Variants in AGBL4 observed in about 807,000 individuals in gnomAD.
The protein encoded by AGBL4 is AGBL carboxypeptidase 4, also known as cytosolic carboxypeptidase 6.
Under a neutral mutation model 66.4 loss-of-function variants are expected in AGBL4, and 58 were observed. That is an observed-to-expected ratio of 0.87 (90% CI 0.71 to 1.09). AGBL4 has a LOEUF of 1.09. AGBL4 is among the 50% of genes least tolerant of loss of function. AGBL4 has a pLI of 0.00. For synonymous variants in AGBL4, 234 were observed against 222.9 expected (o/e 1.05, Z -0.44); for missense variants, 579 against 631.0 (o/e 0.92, Z 0.88).
chr1:49,667,888 C>T (rs367815977), intron 3 of AGBL4, among the ~76,000 whole-genome samples: 1 of 152,148 alleles, frequency 6.6e-6, no homozygotes, highest in Non-Finnish European at 1.5e-5. Flanking sequence ...TCCTGCTCTT[C>T]CTTTTACTCT....
intron 1 of AGBL4, among the ~76,000 whole-genome samples, chr1:49,934,790 A>C (rs1359690215): frequency 1.3e-5 from 2 of 151,940 alleles, no homozygotes; most frequent in African/African-American, 4.8e-5. Context: ...AGAAGAAAGT[A>C]AATAATAAAA....
chr1:48,887,246 G>A lies in AGBL4; in HGVS notation c.595-20016C>T, dbSNP rs371911855. 7.9e-5 allele frequency among the ~76,000 whole-genome samples: 12 copies of A among 152,220 alleles called. No homozygotes were observed. The East Asian group carries it at 1.4e-3, about 17-fold the overall frequency. On this transcript the variant is annotated intron_variant, in intron 5 of 13. Transcript: ENST00000371839. ...AAGATGACGTCTAGGAGGTGGTCTT[G>A]CTAAGGGCATACTCTAGAGTTTTCT...
At chr1:48,728,026 T>C in intron 6 of AGBL4, 2 of 1,610,488 alleles carry the variant, frequency 1.2e-6, no homozygotes, top group African/African-American at 2.7e-5. Flanking sequence ...TCTTGTGCTA[T>C]TCTGTCATAC....
chr1:49,030,117 T>G (rs1028450185), intron 5 of AGBL4, among the ~76,000 whole-genome samples: 3 of 152,156 alleles, frequency 2.0e-5, no homozygotes, highest in Non-Finnish European at 4.4e-5. Flanking sequence ...TTTAGATACA[T>G]GCTATGGACT....
chr1:48,778,622 A>G (rs1342754763), intron 6 of AGBL4, among the ~76,000 whole-genome samples: 1 of 152,232 alleles, frequency 6.6e-6, no homozygotes, highest in African/African-American at 2.4e-5. Context: ...GCTTCTTAGT[A>G]GTGGTAGATG....
chr1:49,083,546 C>T (rs1032364319), intron 4 of AGBL4, among the ~76,000 whole-genome samples: 3 of 152,226 alleles, frequency 2.0e-5, no homozygotes, highest in Non-Finnish European at 4.4e-5. Flanking sequence ...ACACAGGGCA[C>T]CAAGTCCCCA....
At chr1:49,552,959 T>C (rs1571014240) in intron 3 of AGBL4, among the ~76,000 whole-genome samples, 1 of 152,186 alleles carries the variant, frequency 6.6e-6, no homozygotes, top group East Asian at 1.9e-4. Flanking sequence ...AATATTTGTA[T>C]TAGGCACTAG....
intron 6 of AGBL4, among the ~76,000 whole-genome samples, chr1:48,752,897 G>A (rs947327274): frequency 9.9e-5 from 15 of 152,040 alleles, no homozygotes; most frequent in African/African-American, 2.9e-4. Flanking sequence ...CTACAGGCAC[G>A]CGCCCCCATG....
intron 1 of AGBL4, among the ~76,000 whole-genome samples, chr1:49,980,843 C>G (rs1404735796): frequency 1.3e-5 from 2 of 152,128 alleles, no homozygotes; most frequent in South Asian, 2.1e-4. Flanking sequence ...TCTCCATATC[C>G]TCTGTAAAAC....
chr1:49,105,802 A>C (rs1164557625), intron 4 of AGBL4, among the ~76,000 whole-genome samples: 1 of 152,186 alleles, frequency 6.6e-6, no homozygotes. Flanking sequence ...ATGTATGGAA[A>C]ACTCTTAGCA....
chr1:49,149,399 T>C (rs1646282771), intron 4 of AGBL4, among the ~76,000 whole-genome samples: 2 of 152,208 alleles, frequency 1.3e-5, no homozygotes, highest in South Asian at 4.1e-4. Context: ...ACAGTTTCTC[T>C]CTGTATCTGG....
chr1:49,287,518 A>G (rs1483199732), intron 3 of AGBL4, among the ~76,000 whole-genome samples: 3 of 151,324 alleles, frequency 2.0e-5, no homozygotes, highest in African/African-American at 7.2e-5. Context: ...AATTTACAAG[A>G]AAAAAACAAA....
At chr1:49,614,610 AGTACT>A (rs982548913) in intron 3 of AGBL4, among the ~76,000 whole-genome samples, 21 of 152,162 alleles carry the variant, frequency 1.4e-4, no homozygotes, top group Non-Finnish European at 2.4e-4. Flanking sequence ...TCCCTCTAGT[AGTACT>A]TTTATAGTAT....
At chr1:49,455,907 C>T (rs1246277390) in intron 3 of AGBL4, among the ~76,000 whole-genome samples, 2 of 151,566 alleles carry the variant, frequency 1.3e-5, no homozygotes, top group Admixed American at 6.6e-5. Flanking sequence ...AAAATAGTTC[C>T]CTTTCCCTTA....
chr1:49,618,117 T>C (rs1169811240), intron 3 of AGBL4, among the ~76,000 whole-genome samples: 2 of 152,324 alleles, frequency 1.3e-5, no homozygotes, highest in East Asian at 1.9e-4. Flanking sequence ...TGGTTTTCTG[T>C]TCTTCTGTTA....
intron 2 of AGBL4, among the ~76,000 whole-genome samples, chr1:49,749,693 T>C (rs983636913): frequency 6.6e-6 from 1 of 152,076 alleles, no homozygotes; most frequent in East Asian, 1.9e-4. Flanking sequence ...TAGAAATAAA[T>C]CTAACAAGAG....
At chr1:48,875,619 C>T (rs1215767689) in intron 5 of AGBL4, among the ~76,000 whole-genome samples, 1 of 152,144 alleles carries the variant, frequency 6.6e-6, no homozygotes, top group Non-Finnish European at 1.5e-5. Flanking sequence ...ATCCCCAGGG[C>T]AACTTAAAGG....
intron 3 of AGBL4, among the ~76,000 whole-genome samples, chr1:49,269,528 A>C (rs1644007221): frequency 6.6e-6 from 1 of 152,132 alleles, no homozygotes; most frequent in Non-Finnish European, 1.5e-5. Context: ...ACACTTTTAA[A>C]GGTCTGATAA....
At chr1:49,221,220 A>G (rs1002549394) in intron 4 of AGBL4, among the ~76,000 whole-genome samples, 12 of 152,124 alleles carry the variant, frequency 7.9e-5, no homozygotes, top group African/African-American at 2.9e-4. Context: ...AAAAAAAACA[A>G]AAGAATCAAT....
Sources: gnomAD v4.1 joint callset for allele counts (sites outside exome capture counted in the v4.1 genomes callset) on GRCh38, gnomAD v4.1.1 for gene constraint, MANE v1.5 for transcripts, NCBI Gene and HGNC (gene_info 2026-07-23, HGNC 2026-07-21) for gene names.